Variants in AKAP6 observed in about 807,000 individuals in gnomAD.
AKAP6 encodes A-kinase anchor protein 6.
A neutral mutation model predicts 188.5 loss-of-function variants in AKAP6; 58 were observed. The observed-to-expected ratio is 0.31, with a 90% CI of 0.25 to 0.38. The LOEUF (loss-of-function observed/expected upper bound fraction) is 0.38. AKAP6 is among the 10% of genes least tolerant of loss of function. The probability of loss-of-function intolerance (pLI) is 1.00; values close to 1 mark genes in which losing one functional copy is unlikely to be tolerated. For missense variants in AKAP6, 2,710 were observed against 2,740.0 expected (o/e 0.99, Z 0.24); for synonymous variants, 989 against 998.6 (o/e 0.99, Z 0.18).
chr14:32,726,438 A>C (rs1250102909), intron 9 of AKAP6, among the ~76,000 whole-genome samples: 1 of 152,228 alleles, frequency 6.6e-6, no homozygotes, highest in African/African-American at 2.4e-5. Flanking sequence ...GTTTTGTTTA[A>C]TTTTTGTAAT....
chr14:32,373,602 C>T (rs993206191), intron 1 of AKAP6: 6 of 152,152 alleles, frequency 3.9e-5, no homozygotes, highest in Admixed American at 3.9e-4. Flanking sequence ...GCAATCTAGT[C>T]CCCAGGCAAG....
intron 1 of AKAP6, among the ~76,000 whole-genome samples, chr14:32,351,241 G>T (rs755327488): frequency 3.9e-5 from 6 of 152,138 alleles, no homozygotes; most frequent in Non-Finnish European, 8.8e-5. Context: ...TCATTTAGGT[G>T]TTCCTAAATT....
At chr14:32,419,292 A>G (rs1889759308) in intron 1 of AKAP6, among the ~76,000 whole-genome samples, 1 of 152,204 alleles carries the variant, frequency 6.6e-6, no homozygotes, top group South Asian at 2.1e-4. Flanking sequence ...TTAAAATCTG[A>G]CATCAGAGTC....
chr14:32,828,543 A>T (rs1044551123), intron 13 of AKAP6, among the ~76,000 whole-genome samples: 43 of 102,498 alleles, frequency 4.2e-4, no homozygotes, highest in South Asian at 3.4e-3. Flanking sequence ...ACACACACAC[A>T]CACACACACA....
chr14:32,747,418 C>G (rs1025046816), intron 11 of AKAP6, among the ~76,000 whole-genome samples: 4 of 152,188 alleles, frequency 2.6e-5, no homozygotes, highest in African/African-American at 7.2e-5. Context: ...GCATACAAAA[C>G]ACTTTCAAAT....
intron 1 of AKAP6, among the ~76,000 whole-genome samples, chr14:32,389,386 A>G (rs944230610): frequency 6.6e-6 from 1 of 151,244 alleles, no homozygotes; most frequent in Non-Finnish European, 1.5e-5. Context: ...TCATCCTGCT[A>G]TTTGTTGCTT....
chr14:32,827,335 A>G (rs1303969012), intron 13 of AKAP6, among the ~76,000 whole-genome samples: 1 of 151,964 alleles, frequency 6.6e-6, no homozygotes, highest in Admixed American at 6.6e-5. Context: ...AAATTCACCA[A>G]ATTCCATTTG....
At chr14:32,786,302 T>TTTTTTTTTTG (rs1566710206) in intron 12 of AKAP6, among the ~76,000 whole-genome samples, 11 of 72,380 alleles carry the variant, frequency 1.5e-4, no homozygotes, top group African/African-American at 4.1e-4. Flanking sequence ...CTTTATCTTT[T>TTTTTTTTTTG]TTTTTTTTTT....
intron 2 of AKAP6, among the ~76,000 whole-genome samples, chr14:32,467,694 A>G (rs1344985997): frequency 6.6e-6 from 1 of 151,952 alleles, no homozygotes; most frequent in African/African-American, 2.4e-5. Context: ...GGTTGTTTGG[A>G]TAACTCTTCC....
intron 8 of AKAP6, among the ~76,000 whole-genome samples, chr14:32,693,922 G>C (rs560972236): frequency 1.3e-5 from 2 of 152,256 alleles, no homozygotes; most frequent in Admixed American, 1.3e-4. Flanking sequence ...TTCCTTATTA[G>C]TCACAGAGTC....
intron 2 of AKAP6, among the ~76,000 whole-genome samples, chr14:32,499,460 A>T (rs1594680534): frequency 6.6e-6 from 1 of 151,856 alleles, no homozygotes; most frequent in Non-Finnish European, 1.5e-5. Context: ...CAATTAGGAA[A>T]GTTGTTCTGC....
At position 32,386,015 on chromosome 14, in the gene AKAP6, A is replaced by G. The variant is rs560027917; in HGVS notation, c.-34-47445A>G. Among the ~76,000 whole-genome samples the G allele has an allele frequency of 1.3e-3, 192 of 149,826 alleles. 1 individual carries two copies. The highest frequency in any genetic ancestry group is 4.4e-3 in the African/African-American group (180 of 40,998). On this transcript the variant is annotated intron_variant, in intron 1 of 13. Transcript: ENST00000280979. ...ATTCATCATATGTATCTATATCTATATCTATCTATCTATCTACATCTCACA... is the reference window on the plus strand; with the variant it reads ...ATTCATCATATGTATCTATATCTATGTCTATCTATCTATCTACATCTCACA...
At chr14:32,764,708 A>ACACACACACACACACG (rs2032650790) in intron 11 of AKAP6, among the ~76,000 whole-genome samples, 1 of 151,748 alleles carries the variant, frequency 6.6e-6, no homozygotes, top group African/African-American at 2.4e-5. Context: ...ACACACACAC[A>ACACACACACACACACG]CACACACACG....
intron 1 of AKAP6, among the ~76,000 whole-genome samples, chr14:32,413,354 T>A (rs981328207): frequency 3.9e-4 from 60 of 151,926 alleles, no homozygotes; most frequent in Non-Finnish European, 6.9e-4. Flanking sequence ...GGCTATTTTT[T>A]AAAATTGTTT....
At chr14:32,349,463 C>T (rs998109769) in intron 1 of AKAP6, among the ~76,000 whole-genome samples, 1 of 152,138 alleles carries the variant, frequency 6.6e-6, no homozygotes, top group Non-Finnish European at 1.5e-5. Context: ...TATTTCTTGG[C>T]CTTCTGTGGT....
intron 12 of AKAP6, among the ~76,000 whole-genome samples, chr14:32,798,341 T>G (rs10135576): frequency 0.49 from 74,412 of 151,942 alleles, 18,419 homozygotes; most frequent in Non-Finnish European, 0.5. Context: ...TTTGGAGAGT[T>G]CTCAAAGAAC....
chr14:32,397,377 C>CTTTTTT (rs60314050), intron 1 of AKAP6, among the ~76,000 whole-genome samples: 106 of 130,312 alleles, frequency 8.1e-4, no homozygotes, highest in African/African-American at 2.9e-3. Context: ...TTTTTATTGT[C>CTTTTTT]TTTTTTTTTT....
At chr14:32,468,429 T>C (rs1566521741) in intron 2 of AKAP6, among the ~76,000 whole-genome samples, 1 of 152,150 alleles carries the variant, frequency 6.6e-6, no homozygotes, top group Admixed American at 6.6e-5. Context: ...GTAGTAAAGG[T>C]TAGCCCACCT....
chr14:32,477,661 A>G (rs1879142367), intron 2 of AKAP6, among the ~76,000 whole-genome samples: 1 of 152,230 alleles, frequency 6.6e-6, no homozygotes, highest in South Asian at 2.1e-4. Context: ...CATATTTATT[A>G]CTTTGGTTCC....
Sources: gnomAD v4.1 joint callset for allele counts (sites outside exome capture counted in the v4.1 genomes callset) on GRCh38, gnomAD v4.1.1 for gene constraint, MANE v1.5 for transcripts, NCBI Gene and HGNC (gene_info 2026-07-23, HGNC 2026-07-21) for gene names.